Variants in ITGA9 observed in about 807,000 individuals in gnomAD.
The protein encoded by ITGA9 is integrin subunit alpha 9.
In ITGA9, 56 loss-of-function variants were observed where a neutral mutation model predicts 127.8. The observed-to-expected ratio is 0.44, with a 90% confidence interval of 0.35 to 0.55. ITGA9 has a LOEUF of 0.55. ITGA9 is among the 20% of genes least tolerant of loss of function. The probability of loss-of-function intolerance (pLI) is 0.00; values close to 1 mark genes in which losing one functional copy is unlikely to be tolerated. For missense variants in ITGA9, 1,196 were observed against 1,347.1 expected (o/e 0.89, Z 1.76); for synonymous variants, 508 against 514.5 (o/e 0.99, Z 0.17).
intron 27 of ITGA9, among the ~76,000 whole-genome samples, chr3:37,812,253 G>A (rs1697377178): frequency 6.6e-6 from 1 of 152,216 alleles, no homozygotes; most frequent in East Asian, 1.9e-4. Context: ...ACAGAGACAT[G>A]CTATGTAAAT....
At chr3:37,729,136 A>G (rs1696255886) in intron 18 of ITGA9, among the ~76,000 whole-genome samples, 1 of 152,140 alleles carries the variant, frequency 6.6e-6, no homozygotes, top group Non-Finnish European at 1.5e-5. Context: ...CATCCACACA[A>G]GGAGTGGTAC....
At chr3:37,804,927 T>C (rs1697278123) in intron 27 of ITGA9, among the ~76,000 whole-genome samples, 1 of 152,168 alleles carries the variant, frequency 6.6e-6, no homozygotes, top group Non-Finnish European at 1.5e-5. Flanking sequence ...ATTTTGACCT[T>C]TTTCTCTGCA....
intron 23 of ITGA9, 75 bp downstream of exon 23, chr3:37,750,644 C>G: frequency 2.0e-6 from 2 of 1,002,454 alleles, no homozygotes; most frequent in Non-Finnish European, 3.2e-6. Context: ...TCCACCCTAC[C>G]CTGACATCCA....
chr3:37,592,385 C>T (rs1024569484), intron 15 of ITGA9, among the ~76,000 whole-genome samples: 1 of 152,086 alleles, frequency 6.6e-6, no homozygotes, highest in Non-Finnish European at 1.5e-5. Flanking sequence ...TGCTGCAATT[C>T]CTTAGGACCT....
At chr3:37,620,328 G>A (rs59453021) in intron 15 of ITGA9, among the ~76,000 whole-genome samples, 317 of 152,270 alleles carry the variant, frequency 2.1e-3, no homozygotes, top group African/African-American at 7.2e-3. Flanking sequence ...CCCGTGACCT[G>A]GTTCCAGCCT....
intron 26 of ITGA9, among the ~76,000 whole-genome samples, chr3:37,797,433 A>T (rs1475635302): frequency 6.6e-6 from 1 of 152,146 alleles, no homozygotes; most frequent in Admixed American, 6.5e-5. Context: ...ATACACTGGG[A>T]TGCTATAGGA....
chr3:37,821,696 T>C lies in ITGA9; in HGVS notation c.*2707T>C, dbSNP rs1041185399. On this transcript the variant is annotated 3_prime_UTR_variant, in exon 28 of 28. Coordinates refer to ENST00000264741, the MANE Select transcript of ITGA9 (RefSeq NM_002207.3). The stretch of plus-strand genomic sequence containing the variant: ...GCCCCACTGGAGAAGGGTAGACTCC[T>C]GTGGGCAGTCTCAGAGCTGGGACCT... The C allele has an allele frequency of 3.9e-5, 6 of 151,976 alleles. No homozygotes were observed. Among genetic ancestry groups the C allele is most frequent in the African/African-American group, 1.5e-4 (6 of 41,378 alleles). The allele number at this position is 151,976 out of a possible 1,614,324, so 9.4% of individuals were successfully genotyped here. A position where few individuals can be genotyped will look rare whatever the true frequency, so the allele number is the denominator to read the frequency against.
At chr3:37,473,316 TC>T (rs1323211499) in intron 2 of ITGA9, 37 bp from the exon 3 acceptor site, 4 of 1,546,254 alleles carry the variant, frequency 2.6e-6, no homozygotes, top group Non-Finnish European at 3.6e-6. Context: ...AGAACATCAC[TC>T]CTCAACCCAA....
intron 15 of ITGA9, among the ~76,000 whole-genome samples, chr3:37,622,659 A>G (rs1054404829): frequency 1.3e-5 from 2 of 152,080 alleles, no homozygotes; most frequent in African/African-American, 4.8e-5. Flanking sequence ...CCTGGCCAAC[A>G]TGGTGAAAAC....
intron 15 of ITGA9, among the ~76,000 whole-genome samples, chr3:37,550,864 TTTGTTGTTA>T (rs2125594682): frequency 6.6e-6 from 1 of 152,300 alleles, no homozygotes; most frequent in East Asian, 1.9e-4. Flanking sequence ...TGAGGGTTTT[TTTGTTGTTA>T]TTGTTGTTTT....
chr3:37,766,285 A>C (rs1696779497), intron 23 of ITGA9, among the ~76,000 whole-genome samples: 1 of 152,256 alleles, frequency 6.6e-6, no homozygotes, highest in African/African-American at 2.4e-5. Flanking sequence ...GCTGAGAAGT[A>C]ATGATCTCCC....
intron 15 of ITGA9, among the ~76,000 whole-genome samples, chr3:37,567,378 A>T (rs1022932375): frequency 6.6e-6 from 1 of 152,162 alleles, no homozygotes; most frequent in Admixed American, 6.5e-5. Context: ...GGTAGCTACA[A>T]TTCAAGATGA....
intron 8 of ITGA9, among the ~76,000 whole-genome samples, chr3:37,509,530 C>T (rs897574325): frequency 1.3e-5 from 2 of 151,870 alleles, no homozygotes; most frequent in Admixed American, 6.6e-5. Flanking sequence ...CTGTTCCTGC[C>T]GAGTTAGAAC....
At position 37,744,016 on chromosome 3, in the gene ITGA9, C is replaced by T. The variant is rs1456279103; in HGVS notation, c.2415C>T (p.Pro805=). 2 of 1,613,116 alleles carry T rather than the reference C, an allele frequency of 1.2e-6. No individual in the cohort carries two copies. Among genetic ancestry groups the T allele is most frequent in the South Asian group, 2.2e-5 (2 of 91,068 alleles). ...QLDDLECHFQ[P]INITLQVYNT... ...ATGACCTGGAGTGTCACTTTCAGCC[C>T]ATCAATATCACCCTTCAGGTACCCA... The change falls in exon 22 of 28, where the codon CCC becomes CCT. Residue 805 remains proline (P), a synonymous_variant. Transcript: ENST00000264741.
rs141796939 is a variant in ITGA9, at chr3:37,809,349, G to C, written c.3009+5407G>C. 5.0e-3 allele frequency among the ~76,000 whole-genome samples: 761 copies of C among 152,244 alleles called. 6 individuals are homozygous for C. Among genetic ancestry groups the C allele is most frequent in the African/African-American group, 0.018 (729 of 41,544 alleles). ...GATCTGCCTGCCTTGGCCTCCCAAAGTGCTGGGATTACAGGTGTGAGCCAC... is the reference window on the plus strand; with the variant it reads ...GATCTGCCTGCCTTGGCCTCCCAAACTGCTGGGATTACAGGTGTGAGCCAC... On this transcript the variant is annotated intron_variant, in intron 27 of 27. Coordinates refer to ENST00000264741, the MANE Select transcript of ITGA9 (RefSeq NM_002207.3).
intron 23 of ITGA9, among the ~76,000 whole-genome samples, chr3:37,758,120 G>A (rs905072859): frequency 1.3e-4 from 20 of 150,368 alleles, no homozygotes; most frequent in Non-Finnish European, 2.5e-4. Context: ...TCAGGAGATC[G>A]AGACCATCCT....
At chr3:37,775,468 C>G (rs372993374) in intron 23 of ITGA9, among the ~76,000 whole-genome samples, 1 of 151,868 alleles carries the variant, frequency 6.6e-6, no homozygotes, top group Non-Finnish European at 1.5e-5. Flanking sequence ...CACGGTGAAC[C>G]CCATATCTAC....
intron 3 of ITGA9, among the ~76,000 whole-genome samples, chr3:37,480,368 G>A (rs114454764): frequency 6.6e-6 from 1 of 152,146 alleles, no homozygotes; most frequent in Non-Finnish European, 1.5e-5. Context: ...CTGGAGAGCT[G>A]GCCAATGCAT....
At chr3:37,458,474 A>G (rs1293269908) in intron 1 of ITGA9, among the ~76,000 whole-genome samples, 1 of 152,240 alleles carries the variant, frequency 6.6e-6, no homozygotes, top group Non-Finnish European at 1.5e-5. Flanking sequence ...GGGCAGAAAT[A>G]GCTGTCCTCT....
Sources: allele counts gnomAD v4.1 joint callset (sites outside exome capture counted in the v4.1 genomes callset), GRCh38; gene constraint gnomAD v4.1.1; transcripts MANE v1.5; gene names NCBI Gene and HGNC (gene_info 2026-07-23, HGNC 2026-07-21).